Variants in STAU2 observed in about 807,000 individuals in gnomAD.
STAU2 encodes the protein double-stranded RNA-binding protein Staufen homolog 2.
Under a neutral mutation model 65.9 loss-of-function variants are expected in STAU2, and 20 were observed. The ratio of observed to expected loss-of-function variants is 0.30; its 90% CI spans 0.21 to 0.44. The LOEUF is 0.44. Among genes scored for constraint, STAU2 ranks in the 20% least tolerant of loss-of-function variants. STAU2 has a pLI of 1.00. For synonymous variants in STAU2, 232 were observed against 233.9 expected, an observed-to-expected ratio of 0.99 and a Z score of 0.07; for missense variants, 558 against 683.9, an observed-to-expected ratio of 0.82 and a Z score of 2.05.
intron 13 of STAU2, among the ~76,000 whole-genome samples, chr8:73,486,092 T>C (rs1022283290): frequency 6.6e-6 from 1 of 152,098 alleles, no homozygotes; most frequent in Non-Finnish European, 1.5e-5. Flanking sequence ...CCTCTTTCTA[T>C]AAGTAACTAA....
chr8:73,606,644 A>G (rs898424083), intron 9 of STAU2, among the ~76,000 whole-genome samples: 8 of 152,248 alleles, frequency 5.3e-5, no homozygotes, highest in African/African-American at 2.4e-5. Context: ...ATGAGAATGT[A>G]AAAGTGCACA....
chr8:73,597,699 T>C (rs1280056130), intron 10 of STAU2, among the ~76,000 whole-genome samples: 1 of 114,740 alleles, frequency 8.7e-6, no homozygotes, highest in Admixed American at 8.9e-5. Context: ...AAAAAAGGAA[T>C]ACTGAGAGCA....
At chr8:73,575,851 C>T (rs1809505330) in intron 12 of STAU2, among the ~76,000 whole-genome samples, 3 of 151,894 alleles carry the variant, frequency 2.0e-5, no homozygotes, top group South Asian at 2.1e-4. Context: ...GCTTGAAGGT[C>T]AGGGTGGCCA....
chr8:73,465,453 A>G (rs1819602286), intron 13 of STAU2, among the ~76,000 whole-genome samples: 1 of 152,224 alleles, frequency 6.6e-6, no homozygotes, highest in South Asian at 2.1e-4. Context: ...GAGGTATTAG[A>G]ATGCCTCACG....
At chr8:73,534,428 A>G (rs2128934588) in intron 13 of STAU2, among the ~76,000 whole-genome samples, 1 of 152,314 alleles carries the variant, frequency 6.6e-6, no homozygotes, top group Middle Eastern at 3.4e-3. Flanking sequence ...AAACTTTACT[A>G]CTTTTTTTGA....
intron 12 of STAU2, 92 bp from the exon 13 acceptor site, chr8:73,552,411 T>C (rs1424944870): frequency 8.5e-7 from 1 of 1,174,106 alleles, no homozygotes; most frequent in African/African-American, 1.5e-5. Flanking sequence ...CTTGGTGTAG[T>C]AACAAAGAAA....
At chr8:73,451,799 T>G (rs1443169195) in intron 13 of STAU2, among the ~76,000 whole-genome samples, 2 of 152,128 alleles carry the variant, frequency 1.3e-5, no homozygotes, top group African/African-American at 4.8e-5. Context: ...TTAAAAATAG[T>G]ATATTCTTCC....
chr8:73,506,701 G>A (rs1822087833), intron 13 of STAU2, among the ~76,000 whole-genome samples: 1 of 152,016 alleles, frequency 6.6e-6, no homozygotes, highest in African/African-American at 2.4e-5. Context: ...TTGCTGCACG[G>A]ACTAACTCTT....
chr8:73,678,797 T>A (rs1818191487), intron 5 of STAU2, among the ~76,000 whole-genome samples: 1 of 152,196 alleles, frequency 6.6e-6, no homozygotes, highest in African/African-American at 2.4e-5. Flanking sequence ...TCTATTGTAA[T>A]AATATTTTGG....
chr8:73,658,934 C>CAAAA (rs72251012), intron 6 of STAU2, among the ~76,000 whole-genome samples: 3 of 96,732 alleles, frequency 3.1e-5, no homozygotes, highest in African/African-American at 2.9e-5. Context: ...ACAACAACAA[C>CAAAA]AAAAACAACA....
intron 13 of STAU2, among the ~76,000 whole-genome samples, chr8:73,461,288 C>A (rs1005648389): frequency 6.6e-6 from 1 of 152,158 alleles, no homozygotes; most frequent in Admixed American, 6.5e-5. Flanking sequence ...AGATCAAAAA[C>A]AGCTCATGAG....
chr8:73,490,709 C>A (rs1821115467), intron 13 of STAU2, among the ~76,000 whole-genome samples: 1 of 151,954 alleles, frequency 6.6e-6, no homozygotes, highest in Non-Finnish European at 1.5e-5. Flanking sequence ...GTCCTCAGTT[C>A]CTTACCTCAA....
rs555140258 is a variant in STAU2, at chr8:73,457,550, AG to A, written c.1531-34849del. On this transcript the variant is annotated intron_variant, in intron 13 of 14. Transcript: ENST00000524300. Reference sequence around the variant, plus strand: ...CAGCCTAAGAGATTTGGTACAAAAAAGATATGCCGCCAAAATAAAAAGATGG... The same window carrying A: ...CAGCCTAAGAGATTTGGTACAAAAAAATATGCCGCCAAAATAAAAAGATGG... Among the ~76,000 whole-genome samples the A allele has an allele frequency of 1.6e-3, 250 of 152,380 alleles. 1 individual carries two copies. The highest frequency in any genetic ancestry group is 3.4e-3 in the Middle Eastern group (1 of 294).
At chr8:73,553,725 T>C (rs565726064) in intron 12 of STAU2, among the ~76,000 whole-genome samples, 46 of 151,994 alleles carry the variant, frequency 3.0e-4, no homozygotes, top group African/African-American at 1.0e-3. Flanking sequence ...TTGTCTGCTA[T>C]TGAATCCCTC....
chr8:73,740,718 C>G (rs536781296), intron 1 of STAU2, among the ~76,000 whole-genome samples: 1 of 152,152 alleles, frequency 6.6e-6, no homozygotes, highest in Admixed American at 6.5e-5. Flanking sequence ...TTTATCATTA[C>G]TGGTCGGGTG....
chr8:73,638,499 T>C (rs991327574), intron 6 of STAU2, among the ~76,000 whole-genome samples: 2 of 140,336 alleles, frequency 1.4e-5, no homozygotes, highest in Non-Finnish European at 3.1e-5. Flanking sequence ...TTTGAAATAT[T>C]CTTTTTTTTT....
chr8:73,615,371 T>G (rs1028649713), intron 8 of STAU2, among the ~76,000 whole-genome samples: 5 of 152,130 alleles, frequency 3.3e-5, no homozygotes, highest in Non-Finnish European at 7.4e-5. Flanking sequence ...TTAATCCTAT[T>G]TAAAATGCCA....
At chr8:73,579,826 C>T (rs541198927) in intron 12 of STAU2, among the ~76,000 whole-genome samples, 86 of 152,282 alleles carry the variant, frequency 5.6e-4, no homozygotes, top group Admixed American at 1.8e-3. Context: ...TTTAAATCTG[C>T]AGGCAATCAA....
intron 4 of STAU2, among the ~76,000 whole-genome samples, chr8:73,703,897 A>C (rs148771567): frequency 2.6e-5 from 4 of 152,324 alleles, no homozygotes. Flanking sequence ...ATAAAGCAGA[A>C]ACAATACTTT....
Sources: gnomAD v4.1 joint callset for allele counts (sites outside exome capture counted in the v4.1 genomes callset) on GRCh38, gnomAD v4.1.1 for gene constraint, MANE v1.5 for transcripts, NCBI Gene and HGNC (gene_info 2026-07-23, HGNC 2026-07-21) for gene names.